The following ZNF264 variants were observed in gnomAD, a reference collection of about 807,000 sequenced individuals.
ZNF264 encodes the protein zinc finger protein 264.
ZNF264 carries 11 observed loss-of-function variants against 11.2 expected under a neutral mutation model. That is an observed-to-expected ratio of 0.98 (90% CI 0.62 to 1.63). ZNF264 has a LOEUF of 1.63. Among genes scored for constraint, ZNF264 ranks in the 40% most tolerant of loss-of-function variants. ZNF264 has a pLI of 0.00. For synonymous variants in ZNF264, 309 were observed against 279.8 expected, an observed-to-expected ratio of 1.10 and a Z score of -1.04; for missense variants, 752 against 768.1, an observed-to-expected ratio of 0.98 and a Z score of 0.25.
intron 3 of ZNF264, among the ~76,000 whole-genome samples, chr19:57,206,721 A>G (rs1025190139): frequency 1.3e-4 from 19 of 151,340 alleles, no homozygotes; most frequent in African/African-American, 4.4e-4. Flanking sequence ...TACTCTCCCA[A>G]TTTCTCTTTC....
Position 57,216,833 on chromosome 19 carries a change from GT to G in ZNF264, c.*3855del, listed in dbSNP as rs1324629082. ...TATTGTTCCTCTGTTATTTGGGGTT[GT>G]TTACTAGTCTTCCTATAGGTTACTT... On this transcript the variant is annotated 3_prime_UTR_variant, in exon 4 of 4. Transcript: ENST00000263095. The G allele has an allele frequency of 6.9e-6, 1 of 145,854 alleles. No homozygotes were observed. Among genetic ancestry groups the G allele is most frequent in the Non-Finnish European group, 1.5e-5 (1 of 66,276 alleles). 9.0% of individuals were successfully genotyped at this position (145,854 alleles called of 1,614,324 possible). A position where few individuals can be genotyped will look rare whatever the true frequency, so the allele number is the denominator to read the frequency against.
Position 57,212,745 on chromosome 19 carries a change from C to T in ZNF264, c.1648C>T (p.Arg550Cys), listed in dbSNP as rs775243894. 27 of 1,613,980 alleles carry T rather than the reference C, an allele frequency of 1.7e-5. No individual in the cohort carries two copies. The highest frequency in any genetic ancestry group is 1.7e-5 in the Admixed American group (1 of 59,998). Residue 550 changes from arginine (R) to cysteine (C), a missense_variant, in exon 4 of 4, where the codon CGC (arginine) becomes TGC (cysteine). Transcript: ENST00000263095. Reference sequence around the variant, plus strand: ...TAGTGAATGTGGAAAGGCCTTCAGTCGCAGCTCGTCCCTCACTCAGCATCA... The same window carrying T: ...TAGTGAATGTGGAAAGGCCTTCAGTTGCAGCTCGTCCCTCACTCAGCATCA... ...KCSECGKAFS[R>C]SSSLTQHQRM...
chr19:57,205,268 T>C (rs1482058144), intron 2 of ZNF264, 129 bp from the exon 3 acceptor site: 3 of 813,572 alleles, frequency 3.7e-6, no homozygotes, highest in Non-Finnish European at 5.9e-6. Context: ...CATGCCAGCT[T>C]TTCATTCCCA....
intron 3 of ZNF264, among the ~76,000 whole-genome samples, chr19:57,208,193 T>C (rs755355511): frequency 1.3e-5 from 2 of 152,194 alleles, no homozygotes; most frequent in African/African-American, 4.8e-5. Context: ...AACAAATGCT[T>C]GTGGCTCATG....
intron 2 of ZNF264, 118 bp downstream of exon 2, chr19:57,194,119 A>G: frequency 3.6e-6 from 5 of 1,406,404 alleles, no homozygotes; most frequent in Non-Finnish European, 4.8e-6. Flanking sequence ...CCTCTTTCCC[A>G]CAGCTTTAGT....
intron 2 of ZNF264, among the ~76,000 whole-genome samples, chr19:57,205,119 A>G (rs1443744949): frequency 6.6e-6 from 1 of 152,040 alleles, no homozygotes; most frequent in Non-Finnish European, 1.5e-5. Context: ...CAATGAAATC[A>G]CATACCTTGT....
intron 1 of ZNF264, chr19:57,192,551 AG>A (rs1647614718): frequency 2.0e-6 from 2 of 985,382 alleles, no homozygotes; most frequent in African/African-American, 3.5e-5. Flanking sequence ...GAACCCAGTA[AG>A]GAAAGAGGCC....
intron 2 of ZNF264, among the ~76,000 whole-genome samples, chr19:57,199,373 A>G (rs2087235104): frequency 6.6e-6 from 1 of 151,898 alleles, no homozygotes. Flanking sequence ...GTAGGTCTAA[A>G]GTGACTAATC....
At chr19:57,208,163 C>G (rs1463579449) in intron 3 of ZNF264, among the ~76,000 whole-genome samples, 2 of 152,210 alleles carry the variant, frequency 1.3e-5, no homozygotes, top group Admixed American at 6.5e-5. Flanking sequence ...CCTCGAGTTT[C>G]TTACAATTGA....
At position 57,214,052 on chromosome 19, in the gene ZNF264, T is replaced by A. The variant is rs1192914456; in HGVS notation, c.*1071T>A. On this transcript the variant is annotated 3_prime_UTR_variant, in exon 4 of 4. Transcript: ENST00000263095. ...CACAATTTTTGGTAGTATACAGAAATATAATATTTTTGGACATTGTTTTGC... is the reference window on the plus strand; with the variant it reads ...CACAATTTTTGGTAGTATACAGAAAAATAATATTTTTGGACATTGTTTTGC... The A allele has an allele frequency of 1.3e-5, 2 of 152,206 alleles. No homozygotes were observed. Among genetic ancestry groups the A allele is most frequent in the African/African-American group, 4.8e-5 (2 of 41,458 alleles). The allele number at this position is 152,206 out of a possible 1,614,324, so 9.4% of individuals were successfully genotyped here.
intron 2 of ZNF264, among the ~76,000 whole-genome samples, chr19:57,198,953 A>AT (rs1486080407): frequency 2.6e-5 from 4 of 151,882 alleles, no homozygotes; most frequent in African/African-American, 9.7e-5. Flanking sequence ...TGTTTTTGTA[A>AT]TTCAAATTAG....
rs765949234 is a variant in ZNF264 at position 57,216,143 on chromosome 19, C to T, written c.*3162C>T. On this transcript the variant is annotated 3_prime_UTR_variant, in exon 4 of 4. Coordinates refer to ENST00000263095, the MANE Select transcript of ZNF264 (RefSeq NM_003417.5). Reference sequence around the variant, plus strand: ...CTAAGGCAGGTGGATCACCTGAGGCCAGGAGTTCGAGACCAGCCTGGCCAA... The same window carrying T: ...CTAAGGCAGGTGGATCACCTGAGGCTAGGAGTTCGAGACCAGCCTGGCCAA... The T allele has an allele frequency of 5.3e-5, 8 of 152,232 alleles. No individual in the cohort carries two copies. Among genetic ancestry groups the T allele is most frequent in the Non-Finnish European group, 1.2e-4 (8 of 68,104 alleles). 9.4% of individuals were successfully genotyped at this position (152,232 alleles called of 1,614,324 possible). A position where few individuals can be genotyped will look rare whatever the true frequency, so the allele number is the denominator to read the frequency against.
In ZNF264 at chr19:57,221,048, CT is replaced by C. The variant is rs2087413535; in HGVS notation, c.*8074del. 6.6e-6 allele frequency: 1 copy of C among 152,312 alleles called. No homozygotes were observed. The highest frequency in any genetic ancestry group is 1.5e-5 in the Non-Finnish European group (1 of 68,176). The allele number at this position is 152,312 out of a possible 1,614,324, so 9.4% of individuals were successfully genotyped here. Reference sequence around the variant, plus strand: ...TGACCTCAAAGATAATCTACCTGGGCTTTTTTTGTTTGTTTGTTTTGAGATG... The same window carrying C: ...TGACCTCAAAGATAATCTACCTGGGCTTTTTTGTTTGTTTGTTTTGAGATG... On this transcript the variant is annotated 3_prime_UTR_variant, in exon 4 of 4. Coordinates refer to ENST00000263095, the MANE Select transcript of ZNF264 (RefSeq NM_003417.5).
Position 57,211,836 on chromosome 19 carries a change from C to G in ZNF264, c.739C>G (p.Leu247Val). The change falls in exon 4 of 4, where the codon CTG becomes GTG. Residue 247 changes from leucine (L) to valine (V), a missense_variant. Coordinates refer to ENST00000263095, the MANE Select transcript of ZNF264 (RefSeq NM_003417.5). The stretch of plus-strand genomic sequence containing the variant: ...AACCTTTATTAAGAGCACACATCTC[C>G]TGCAACATCACATGATCCACACTGG... ...GKTFIKSTHL[L>V]QHHMIHTGER... is the part of the protein sequence containing the mutation. 6.2e-7 allele frequency: 1 copy of G among 1,614,146 alleles called. No individual in the cohort carries two copies. The highest frequency in any genetic ancestry group is 8.5e-7 in the Non-Finnish European group (1 of 1,180,026).
In ZNF264 at chr19:57,216,127, G is replaced by C. The variant is rs1386326390; in HGVS notation, c.*3146G>C. 1 of 152,270 alleles carries C rather than the reference G, an allele frequency of 6.6e-6. No individual in the cohort carries two copies. Among genetic ancestry groups the C allele is most frequent in the East Asian group, 1.9e-4 (1 of 5,182 alleles). The allele number at this position is 152,270 out of a possible 1,614,324, so 9.4% of individuals were successfully genotyped here. On this transcript the variant is annotated 3_prime_UTR_variant, in exon 4 of 4. Transcript: ENST00000263095. Reference sequence around the variant, plus strand: ...TAGCACTTTGAGACCACTAAGGCAGGTGGATCACCTGAGGCCAGGAGTTCG... The same window carrying C: ...TAGCACTTTGAGACCACTAAGGCAGCTGGATCACCTGAGGCCAGGAGTTCG...
At chr19:57,207,683 C>A (rs796082489) in intron 3 of ZNF264, among the ~76,000 whole-genome samples, 7 of 150,626 alleles carry the variant, frequency 4.6e-5, no homozygotes, top group Admixed American at 4.0e-4. Flanking sequence ...TTACACCCGG[C>A]TAATTTTTGT....
intron 2 of ZNF264, among the ~76,000 whole-genome samples, chr19:57,196,995 C>T (rs559018012): frequency 6.6e-6 from 1 of 152,068 alleles, no homozygotes; most frequent in African/African-American, 2.4e-5. Context: ...TCAGGGATGT[C>T]CTAGAAAGGG....
intron 2 of ZNF264, among the ~76,000 whole-genome samples, chr19:57,197,174 CTG>C (rs902695298): frequency 6.6e-6 from 1 of 151,856 alleles, no homozygotes; most frequent in African/African-American, 2.4e-5. Context: ...GGAGTGGAGT[CTG>C]TGGGCATTTG....
Position 57,212,166 on chromosome 19 carries a change from T to C in ZNF264, c.1069T>C (p.Tyr357His). The C allele has an allele frequency of 6.2e-7, 1 of 1,613,878 alleles. No individual in the cohort carries two copies. The highest frequency in any genetic ancestry group is 8.5e-7 in the Non-Finnish European group (1 of 1,179,940). ...ECGKVFKHRSYLMWHQQTHTG... is the reference protein window; with the variant it reads ...ECGKVFKHRSHLMWHQQTHTG... ...TGGCAAGGTCTTCAAACACAGGTCA[T>C]ATCTCATGTGGCACCAGCAGACTCA... is the stretch of plus-strand genomic sequence containing the variant. The change falls in exon 4 of 4, where the codon TAT becomes CAT. Residue 357 changes from tyrosine to histidine, a missense_variant. Physicochemically the swap from Tyr to His is moderately conservative, Grantham distance 83. Transcript: ENST00000263095.
Sources: allele counts gnomAD v4.1 joint callset (sites outside exome capture counted in the v4.1 genomes callset), GRCh38; gene constraint gnomAD v4.1.1; transcripts MANE v1.5; gene names NCBI Gene and HGNC (gene_info 2026-07-23, HGNC 2026-07-21).